The following GRXCR2 variants were observed in gnomAD, a reference collection of about 807,000 sequenced individuals.
GRXCR2 encodes glutaredoxin domain-containing cysteine-rich protein 2.
In GRXCR2, 23 loss-of-function variants were observed where a neutral mutation model predicts 24.8. The ratio of observed to expected loss-of-function variants is 0.93; its 90% CI spans 0.67 to 1.32. The LOEUF (loss-of-function observed/expected upper bound fraction) is 1.32, where lower values mean the gene tolerates loss of function less well. Among genes scored for constraint, GRXCR2 ranks in the 40% most tolerant of loss-of-function variants. The pLI is 0.00. For missense variants in GRXCR2, 315 were observed against 303.4 expected (o/e 1.04, Z -0.28); for synonymous variants, 130 against 116.1 (o/e 1.12, Z -0.77).
At position 145,903,769 on chromosome 5, in the gene GRXCR2, T is replaced by C. The variant is rs572875124; in HGVS notation, c.-70+31932A>G. Among the ~76,000 whole-genome samples, 14 of 152,318 alleles carry C rather than the reference T, an allele frequency of 9.2e-5. No homozygotes were observed. The East Asian group carries it at 2.7e-3, about 29-fold the overall frequency. On this transcript the variant is annotated intron_variant, in intron 2 of 3. Transcript: ENST00000639411. ...AGAATCTGGCCTCTACCAATATTTA[T>C]TGATGTGTCAGAGGCCACAATTGAT...
chr5:145,889,172 AAAAGAAAGAAAGAAAGAAAGAAAG>A (rs557521873), intron 2 of GRXCR2, among the ~76,000 whole-genome samples: 115 of 84,042 alleles, frequency 1.4e-3, no homozygotes, highest in South Asian at 0.012. Context: ...CTGTCTCAAA[AAAAGAAAGAAAGAAAGAAAGAAAG>A]AAAGAAAGAA....
upstream of GRXCR2, among the ~76,000 whole-genome samples, chr5:145,877,314 G>A (rs908660681): frequency 2.7e-5 from 4 of 147,326 alleles, no homozygotes; most frequent in Admixed American, 2.7e-4. Context: ...TAGAAAGGTC[G>A]ATTAAAAAAA....
At chr5:145,923,608 T>C (rs1461361373) in intron 2 of GRXCR2, among the ~76,000 whole-genome samples, 1 of 152,180 alleles carries the variant, frequency 6.6e-6, no homozygotes, top group Admixed American at 6.5e-5. Context: ...TTGCTTAATA[T>C]GAGGCATGCT....
chr5:145,865,932 G>A (rs1756420939), intron 2 of GRXCR2, among the ~76,000 whole-genome samples: 1 of 151,894 alleles, frequency 6.6e-6, no homozygotes, highest in African/African-American at 2.4e-5. Context: ...GAAGACAGGA[G>A]TTCGGGACCA....
chr5:145,918,980 G>T (rs936505155), intron 2 of GRXCR2, among the ~76,000 whole-genome samples: 1 of 152,156 alleles, frequency 6.6e-6, no homozygotes, highest in African/African-American at 2.4e-5. Flanking sequence ...TGTCCACTTG[G>T]ACTCTGAGCT....
At chr5:145,871,570 G>A (rs1391922471) in intron 1 of GRXCR2, among the ~76,000 whole-genome samples, 3 of 152,108 alleles carry the variant, frequency 2.0e-5, no homozygotes, top group South Asian at 2.1e-4. Flanking sequence ...TACTGCATAC[G>A]TCACCCCATT....
chr5:145,865,372 T>C (rs1023245673), intron 2 of GRXCR2, among the ~76,000 whole-genome samples: 34 of 152,276 alleles, frequency 2.2e-4, no homozygotes, highest in African/African-American at 8.2e-4. Flanking sequence ...CTCCTCCCCC[T>C]GGTCTGAGCA....
intron 2 of GRXCR2, among the ~76,000 whole-genome samples, chr5:145,906,422 T>C (rs1757090861): frequency 6.6e-6 from 1 of 152,002 alleles, no homozygotes; most frequent in South Asian, 2.1e-4. Flanking sequence ...CTGAAGTTGA[T>C]GGGGACAATA....
At chr5:145,896,395 C>A (rs1329242360) in intron 2 of GRXCR2, among the ~76,000 whole-genome samples, 1 of 151,916 alleles carries the variant, frequency 6.6e-6, no homozygotes, top group African/African-American at 2.4e-5. Flanking sequence ...TGACAAAGGG[C>A]TAATATCCAG....
chr5:145,859,757 C>A lies in GRXCR2; in HGVS notation c.723G>T (p.Gln241His). ...RCPACNENGL[Q>H]PCQICNQ ...GCTATTGATTGCAAATCTGGCAAGG[C>A]TGTAGGCCATTCTCATTGCAGGCAG... Residue 241 changes from glutamine (Q) to histidine (H), a missense_variant, in exon 3 of 3, where the codon CAG becomes CAT. Gln to His is a conservative substitution (Grantham distance 24, BLOSUM62 0). Transcript: ENST00000377976. 6.2e-7 allele frequency: 1 copy of A among 1,614,190 alleles called. No individual in the cohort carries two copies. Among genetic ancestry groups the A allele is most frequent in the Non-Finnish European group, 8.5e-7 (1 of 1,180,026 alleles).
chr5:145,889,250 T>C (rs750903371), intron 2 of GRXCR2, among the ~76,000 whole-genome samples: 108 of 126,796 alleles, frequency 8.5e-4, no homozygotes, highest in Non-Finnish European at 1.4e-3. Flanking sequence ...GAAAGAATTA[T>C]GCAATGGACT....
upstream of GRXCR2, among the ~76,000 whole-genome samples, chr5:145,876,726 G>A (rs552727571): frequency 2.0e-5 from 3 of 152,236 alleles, no homozygotes; most frequent in South Asian, 6.2e-4. Context: ...TTTTCAGTGA[G>A]CCAACCTAAA....
chr5:145,888,864 G>A (rs1756813910), intron 2 of GRXCR2, among the ~76,000 whole-genome samples: 1 of 152,106 alleles, frequency 6.6e-6, no homozygotes, highest in African/African-American at 2.4e-5. Context: ...AATAGGTCTT[G>A]GCACAAAGGC....
Position 145,872,751 on chromosome 5 carries a change from G to A in GRXCR2, c.218C>T (p.Pro73Leu). The change falls in exon 1 of 3, where the codon CCC becomes CTC. Residue 73 changes from proline to leucine, a missense_variant. By Grantham distance (98) the Pro-to-Leu change is moderately conservative (BLOSUM62 -3). Coordinates refer to ENST00000377976, the MANE Select transcript of GRXCR2 (RefSeq NM_001080516.2). Reference protein sequence around the residue: ...GVYGSGEVPRPQMCSPKLTAQ... With the variant: ...GVYGSGEVPRLQMCSPKLTAQ... ...AGTCAGCTTAGGGGAGCACATCTGG[G>A]GCCTGGGGACTTCCCCAGACCCATA... 1.9e-6 allele frequency: 3 copies of A among 1,614,022 alleles called. No individual in the cohort carries two copies. The highest frequency in any genetic ancestry group is 2.5e-6 in the Non-Finnish European group (3 of 1,179,924).
chr5:145,876,253 A>G (rs576519080), upstream of GRXCR2, among the ~76,000 whole-genome samples: 56 of 145,090 alleles, frequency 3.9e-4, no homozygotes, highest in African/African-American at 1.3e-3. Context: ...ACAAACACAC[A>G]CATATAAATG....
At chr5:145,931,511 C>T (rs151160260) in intron 2 of GRXCR2, among the ~76,000 whole-genome samples, 5 of 152,192 alleles carry the variant, frequency 3.3e-5, no homozygotes, top group African/African-American at 4.8e-5. Context: ...CAAACATACC[C>T]TCAATTGGAG....
At chr5:145,890,782 G>T (rs1756852439) in intron 2 of GRXCR2, among the ~76,000 whole-genome samples, 1 of 151,398 alleles carries the variant, frequency 6.6e-6, no homozygotes, top group Admixed American at 6.6e-5. Flanking sequence ...TATTAATTTT[G>T]AATGCAGATG....
chr5:145,895,311 A>C (rs1351842202), intron 2 of GRXCR2, among the ~76,000 whole-genome samples: 1 of 152,076 alleles, frequency 6.6e-6, no homozygotes, highest in Non-Finnish European at 1.5e-5. Flanking sequence ...AAGGAAATAA[A>C]GAGTATTCGA....
intron 2 of GRXCR2, among the ~76,000 whole-genome samples, chr5:145,866,023 C>A (rs1484777502): frequency 2.0e-5 from 3 of 151,510 alleles, no homozygotes; most frequent in Non-Finnish European, 4.4e-5. Flanking sequence ...GAAATCCCAG[C>A]TACTCAGGAG....
Sources: gnomAD v4.1 joint callset for allele counts (sites outside exome capture counted in the v4.1 genomes callset) on GRCh38, gnomAD v4.1.1 for gene constraint, MANE v1.5 for transcripts, NCBI Gene and HGNC (gene_info 2026-07-23, HGNC 2026-07-21) for gene names.